XKR4: variants seen among roughly 807,000 people sequenced by gnomAD.
XKR4 encodes the protein XK related 4, also known as XK-related protein 4.
XKR4 carries 12 observed loss-of-function variants against 53.9 expected under a neutral mutation model. That is an observed-to-expected ratio of 0.22 (90% CI 0.14 to 0.36). XKR4 has a LOEUF of 0.36. XKR4 is among the 10% of genes least tolerant of loss of function. The probability of loss-of-function intolerance (pLI) is 1.00; values close to 1 mark genes in which losing one functional copy is unlikely to be tolerated. For synonymous variants in XKR4, 354 were observed against 362.4 expected (o/e 0.98, Z 0.26); for missense variants, 799 against 859.5 (o/e 0.93, Z 0.88).
chr8:55,449,637 T>C (rs1291966711), intron 2 of XKR4: 1 of 994,872 alleles, frequency 1.0e-6, no homozygotes, highest in African/African-American at 1.6e-5. Context: ...TCCACGCTCT[T>C]AGGGGCACCC....
At chr8:55,506,571 G>A (rs902515951) in intron 2 of XKR4, among the ~76,000 whole-genome samples, 2 of 152,150 alleles carry the variant, frequency 1.3e-5, no homozygotes, top group African/African-American at 4.8e-5. Context: ...ATCTCATCTT[G>A]TTAATAGTGT....
intron 2 of XKR4, among the ~76,000 whole-genome samples, chr8:55,372,887 T>C (rs755039649): frequency 1.3e-5 from 2 of 152,108 alleles, no homozygotes; most frequent in Admixed American, 6.5e-5. Context: ...ATGTGTGGAA[T>C]AGAGACAGCC....
intron 1 of XKR4, among the ~76,000 whole-genome samples, chr8:55,323,642 A>T (rs900865280): frequency 6.6e-6 from 1 of 152,140 alleles, no homozygotes; most frequent in Non-Finnish European, 1.5e-5. Context: ...TTGAATAAAA[A>T]CCTCTGTAAA....
intron 1 of XKR4, among the ~76,000 whole-genome samples, chr8:55,267,762 A>T (rs955604145): frequency 2.6e-5 from 4 of 152,106 alleles, no homozygotes; most frequent in Non-Finnish European, 5.9e-5. Context: ...TTGATAGAAG[A>T]TCCTCTGATT....
chr8:55,478,194 C>T (rs949306820), intron 2 of XKR4, among the ~76,000 whole-genome samples: 9 of 152,098 alleles, frequency 5.9e-5, no homozygotes, highest in Admixed American at 1.3e-4. Flanking sequence ...AGACTAACAG[C>T]GGATCTCTTG....
At chr8:55,497,533 T>C (rs1806369972) in intron 2 of XKR4, among the ~76,000 whole-genome samples, 1 of 152,230 alleles carries the variant, frequency 6.6e-6, no homozygotes, top group Non-Finnish European at 1.5e-5. Flanking sequence ...GTTATCTTTA[T>C]TGTCTTCCCA....
rs138336885 is a variant in XKR4, at chr8:55,466,804, T to A, written c.1007-56477T>A. On this transcript the variant is annotated intron_variant, in intron 2 of 2. Coordinates refer to ENST00000327381, the MANE Select transcript of XKR4 (RefSeq NM_052898.2). ...TTGTTTCTGGTCTTTTATCAGTAAG[T>A]GATTCTAAAATAAACATCCTTATAC... is the stretch of plus-strand genomic sequence containing the variant. Among the ~76,000 whole-genome samples the A allele has an allele frequency of 2.6e-4, 40 of 152,252 alleles. No homozygotes were observed. The East Asian group carries it at 6.9e-3, about 26-fold the overall frequency.
At chr8:55,200,725 A>T (rs1186035481) in intron 1 of XKR4, among the ~76,000 whole-genome samples, 2 of 152,234 alleles carry the variant, frequency 1.3e-5, no homozygotes, top group African/African-American at 4.8e-5. Flanking sequence ...TGAAAGTCTT[A>T]CGGGAGAGAG....
intron 2 of XKR4, among the ~76,000 whole-genome samples, chr8:55,429,576 G>A (rs1391704540): frequency 2.0e-5 from 3 of 151,950 alleles, no homozygotes; most frequent in African/African-American, 7.2e-5. Context: ...TTAGCCAGGT[G>A]TGGTGACATG....
At chr8:55,389,875 C>T (rs1804419011) in intron 2 of XKR4, among the ~76,000 whole-genome samples, 1 of 152,294 alleles carries the variant, frequency 6.6e-6, no homozygotes, top group South Asian at 2.1e-4. Context: ...GTTCCTAGTG[C>T]CTACTGGAGC....
At chr8:55,451,743 C>A in intron 2 of XKR4, 1 of 1,189,302 alleles carries the variant, frequency 8.4e-7, no homozygotes. Flanking sequence ...AGGATTCAGA[C>A]TTGGCCCGGC....
At chr8:55,164,818 T>G (rs1177006795) in intron 1 of XKR4, 1 of 175,474 alleles carries the variant, frequency 5.7e-6, no homozygotes, top group Admixed American at 5.6e-5. Flanking sequence ...ACACACACGT[T>G]CAGCAGAGCT....
At chr8:55,456,527 A>G (rs920114939) in intron 2 of XKR4, among the ~76,000 whole-genome samples, 1 of 152,238 alleles carries the variant, frequency 6.6e-6, no homozygotes, top group Non-Finnish European at 1.5e-5. Context: ...AATTAATGAA[A>G]CGCATGATGT....
At chr8:55,434,275 T>C (rs1378747122) in intron 2 of XKR4, among the ~76,000 whole-genome samples, 1 of 152,222 alleles carries the variant, frequency 6.6e-6, no homozygotes. Context: ...AAGGGAGTCT[T>C]TGTAGTTTAA....
intron 2 of XKR4, among the ~76,000 whole-genome samples, chr8:55,409,838 G>A (rs2129391032): frequency 6.6e-6 from 1 of 152,166 alleles, no homozygotes; most frequent in South Asian, 2.1e-4. Context: ...AAGAACAGAG[G>A]GTAAGGAAAT....
At chr8:55,465,273 T>C (rs1254859942) in intron 2 of XKR4, among the ~76,000 whole-genome samples, 5 of 152,148 alleles carry the variant, frequency 3.3e-5, no homozygotes, top group Admixed American at 2.6e-4. Flanking sequence ...AGCATGGTAC[T>C]GGTACCAAAA....
chr8:55,452,052 C>A, intron 2 of XKR4: 1 of 720,922 alleles, frequency 1.4e-6, no homozygotes, highest in Non-Finnish European at 2.5e-6. Context: ...GAGGGAAGGA[C>A]CCTTGTTCTT....
intron 2 of XKR4, among the ~76,000 whole-genome samples, chr8:55,430,380 C>A (rs1281365854): frequency 6.6e-6 from 1 of 152,108 alleles, no homozygotes; most frequent in Admixed American, 6.5e-5. Flanking sequence ...TTGTAATACC[C>A]CAAACTGGAA....
intron 2 of XKR4, among the ~76,000 whole-genome samples, chr8:55,474,592 G>C (rs905024837): frequency 7.9e-5 from 12 of 152,136 alleles, no homozygotes; most frequent in Non-Finnish European, 1.6e-4. Context: ...ATACTCAGAT[G>C]ATTAGAATAT....
Sources: allele counts gnomAD v4.1 joint callset (sites outside exome capture counted in the v4.1 genomes callset), GRCh38; gene constraint gnomAD v4.1.1; transcripts MANE v1.5; gene names NCBI Gene and HGNC (gene_info 2026-07-23, HGNC 2026-07-21).